MBD6: variants seen among roughly 807,000 people sequenced by gnomAD.
MBD6 encodes the protein methyl-CpG-binding domain protein 6.
MBD6 carries 22 observed loss-of-function variants against 66.8 expected under a neutral mutation model. The ratio of observed to expected loss-of-function variants is 0.33; its 90% CI spans 0.24 to 0.47. MBD6 has a LOEUF of 0.47. Among genes scored for constraint, MBD6 ranks in the 20% least tolerant of loss-of-function variants. The probability of loss-of-function intolerance (pLI) is 1.00; values close to 1 mark genes in which losing one functional copy is unlikely to be tolerated. For synonymous variants in MBD6, 540 were observed against 534.6 expected, an observed-to-expected ratio of 1.01 and a Z score of -0.14; for missense variants, 1,322 against 1,286.9, an observed-to-expected ratio of 1.03 and a Z score of -0.42.
At chr12:57,530,534 G>A (rs1879569332), downstream of MBD6, 3 of 621,374 alleles carry the variant, frequency 4.8e-6, no homozygotes, top group East Asian at 2.8e-5. Flanking sequence ...TTCATCAGGG[G>A]AGGGGTATAA....
chr12:57,529,390 T>A lies in MBD6; in HGVS notation c.*156T>A. The A allele has an allele frequency of 1.7e-6, 1 of 603,180 alleles. No individual in the cohort carries two copies. The highest frequency in any genetic ancestry group is 2.8e-6 in the Non-Finnish European group (1 of 351,264). 37.4% of individuals were successfully genotyped at this position (603,180 alleles called of 1,614,324 possible). ...AACTCCTTCCCCTACAATCCCATCCTGAGCCATTGCAGGGGGCAGGGAAGT... is the reference window on the plus strand; with the variant it reads ...AACTCCTTCCCCTACAATCCCATCCAGAGCCATTGCAGGGGGCAGGGAAGT... On this transcript the variant is annotated 3_prime_UTR_variant, in exon 13 of 13. Transcript: ENST00000355673.
rs1355670093 is a variant in MBD6, at chr12:57,527,313, C to T, written c.2082+86C>T. Reference sequence around the variant, plus strand: ...GAATCAAAAGCTTTCAGTTTCATTCCTGAGCTCTTCCTTGGGGCCTTTGGG... The same window carrying T: ...GAATCAAAAGCTTTCAGTTTCATTCTTGAGCTCTTCCTTGGGGCCTTTGGG... On this transcript the variant is annotated intron_variant, in intron 7 of 12. Transcript: ENST00000355673. The T allele has an allele frequency of 7.1e-6, 8 of 1,128,862 alleles. No individual in the cohort carries two copies. The East Asian group carries it at 1.5e-4, about 21-fold the overall frequency. 69.9% of individuals were successfully genotyped at this position (1,128,862 alleles called of 1,614,324 possible). A position where few individuals can be genotyped will look rare whatever the true frequency, so the allele number is the denominator to read the frequency against.
At position 57,526,220 on chromosome 12, in the gene MBD6, C is replaced by G; in HGVS notation, c.1252C>G (p.Leu418Val). The G allele has an allele frequency of 6.2e-7, 1 of 1,614,120 alleles. No homozygotes were observed. The highest frequency in any genetic ancestry group is 8.5e-7 in the Non-Finnish European group (1 of 1,180,006). Reference sequence around the variant, plus strand: ...CCCTTCTGTGCTGTCCCTGCTGGGACTCCCCACCCCTGGCCCTTCCCACTC... The same window carrying G: ...CCCTTCTGTGCTGTCCCTGCTGGGAGTCCCCACCCCTGGCCCTTCCCACTC... ...ILPSVLSLLG[L>V]PTPGPSHSDG... Residue 418 changes from leucine (L) to valine (V), a missense_variant, in exon 6 of 13, where the codon CTC (leucine) becomes GTC (valine). Leu to Val is a conservative substitution (Grantham distance 32). Transcript: ENST00000355673.
chr12:57,524,403 G>A lies in MBD6; in HGVS notation c.100G>A (p.Val34Met). The A allele has an allele frequency of 6.3e-7, 1 of 1,590,184 alleles. No homozygotes were observed. Among genetic ancestry groups the A allele is most frequent in the Non-Finnish European group, 8.6e-7 (1 of 1,168,718 alleles). Reference sequence around the variant, plus strand: ...GCAGCGCTGTGTGCGAGAGGGTGCTGTGCTCTACATCAGGTACGGATCTTC... The same window carrying A: ...GCAGCGCTGTGTGCGAGAGGGTGCTATGCTCTACATCAGGTACGGATCTTC... ...GWQRCVREGA[V>M]LYISPSGTEL... The change falls in exon 3 of 13, where the codon GTG becomes ATG. Residue 34 changes from valine to methionine, a missense_variant. By Grantham distance (21) the Val-to-Met change is conservative (BLOSUM62 1). Transcript: ENST00000355673.
upstream of MBD6, among the ~76,000 whole-genome samples, chr12:57,522,560 G>A (rs1417800102): frequency 6.6e-6 from 1 of 151,674 alleles, no homozygotes; most frequent in Admixed American, 6.5e-5. Context: ...TCCGCGGAGG[G>A]CGGGGGGGCC....
intron 1 of MBD6, 107 bp from the exon 2 acceptor site, chr12:57,523,922 C>T (rs73346006): frequency 0.084 from 13,231 of 158,408 alleles, 1,859 homozygotes; most frequent in African/African-American, 0.3. Context: ...TTTATAGGTG[C>T]TTGCCTCACA....
In MBD6 at chr12:57,528,253, A is replaced by C. The variant is rs752982615; in HGVS notation, c.2513A>C (p.His838Pro). 22 of 1,605,736 alleles carry C rather than the reference A, an allele frequency of 1.4e-5. No individual in the cohort carries two copies. The highest frequency in any genetic ancestry group is 1.7e-5 in the Non-Finnish European group (20 of 1,176,218). Residue 838 changes from histidine (H) to proline (P), a missense_variant, in exon 10 of 13, where the codon CAT becomes CCT. Coordinates refer to ENST00000355673, the MANE Select transcript of MBD6 (RefSeq NM_052897.4). ...RPPLSALAPPHGSPDPPVPEL... is the reference protein window; with the variant it reads ...RPPLSALAPPPGSPDPPVPEL... ...CCCCTCAGTGCCTTAGCCCCACCCC[A>C]TGGTTCTCCCGACCCCCCAGTCCCT...
rs374959813 is a variant in MBD6, at chr12:57,525,935, C to T, written c.967C>T (p.Leu323=). 3.1e-6 allele frequency: 5 copies of T among 1,613,474 alleles called. No individual in the cohort carries two copies. In the South Asian group the frequency reaches 3.3e-5, roughly 11 times the overall value. ...GGCACCCCCCTTCCTTGCTAGCAGCCTACTCTCTGCAGCGGCCAAGGCACA... is the reference window on the plus strand; with the variant it reads ...GGCACCCCCCTTCCTTGCTAGCAGCTTACTCTCTGCAGCGGCCAAGGCACA... ...PGAPPFLASS[L]LSAAAKAQHP... is the part of the protein sequence containing the mutation. Residue 323 remains leucine (L), a synonymous_variant, in exon 6 of 13, where the codon CTA becomes TTA. Coordinates refer to ENST00000355673, the MANE Select transcript of MBD6 (RefSeq NM_052897.4).
Position 57,525,075 on chromosome 12 carries a change from G to C in MBD6, c.339G>C (p.Leu113=). ...HRRKAVAMAT[L]YRSMETTCSH... ...GGAAAGCTGTTGCTATGGCAACTCT[G>C]TACCGCAGCATGGAGACCACCTGCT... Residue 113 remains leucine (L), a synonymous_variant, in exon 5 of 13, where the codon CTG becomes CTC. Coordinates refer to ENST00000355673, the MANE Select transcript of MBD6 (RefSeq NM_052897.4). 5 of 1,612,644 alleles carry C rather than the reference G, an allele frequency of 3.1e-6. No homozygotes were observed. Among genetic ancestry groups the C allele is most frequent in the Non-Finnish European group, 4.2e-6 (5 of 1,179,664 alleles).
At chr12:57,530,625 T>C, downstream of MBD6, 2 of 1,379,794 alleles carry the variant, frequency 1.4e-6, no homozygotes, top group Non-Finnish European at 2.0e-6. Context: ...GGAAACCCTA[T>C]GTAAGCTGTT....
At position 57,529,418 on chromosome 12, in the gene MBD6, A is replaced by ACCCCCCCCCCCCCCCCCCCCCCCCC. The variant is rs368133035; in HGVS notation, c.*193_*194insCCCCCCCCCCCCCCCCCCCCCCCCC. 12 of 333,338 alleles carry ACCCCCCCCCCCCCCCCCCCCCCCCC rather than the reference A, an allele frequency of 3.6e-5. No individual in the cohort carries two copies. Among genetic ancestry groups the ACCCCCCCCCCCCCCCCCCCCCCCCC allele is most frequent in the African/African-American group, 1.9e-4 (6 of 32,340 alleles). The allele number at this position is 333,338 out of a possible 1,614,324, so 20.6% of individuals were successfully genotyped here. A position where few individuals can be genotyped will look rare whatever the true frequency, so the allele number is the denominator to read the frequency against. On this transcript the variant is annotated 3_prime_UTR_variant, in exon 13 of 13. Transcript: ENST00000355673. ...GCCATTGCAGGGGGCAGGGAAGTTC[A>ACCCCCCCCCCCCCCCCCCCCCCCCC]CCCCCCCCCACCACCCCCCCGCCCC... is the stretch of plus-strand genomic sequence containing the variant.
chr12:57,528,825 T>C lies in MBD6; in HGVS notation c.2873+107T>C. 1.9e-6 allele frequency: 3 copies of C among 1,596,026 alleles called. No homozygotes were observed. The South Asian group carries it at 3.3e-5, about 18-fold the overall frequency. ...GGTTTTCAAAAGGGCAGATTCTTAT[T>C]TGAATATGAATAAGGATATTATGCC... On this transcript the variant is annotated intron_variant, in intron 11 of 12. Coordinates refer to ENST00000355673, the MANE Select transcript of MBD6 (RefSeq NM_052897.4).
At chr12:57,522,749 T>TGCGGCAGCGACGGCGGCG (rs1213077256), upstream of MBD6, 1 of 66,026 alleles carries the variant, frequency 1.5e-5, no homozygotes, top group Non-Finnish European at 3.1e-5. Context: ...CGGCGGCGGC[T>TGCGGCAGCGACGGCGGCG]GCGGCAGCGA....
downstream of MBD6, among the ~76,000 whole-genome samples, chr12:57,531,456 G>A (rs192493482): frequency 1.3e-5 from 2 of 152,320 alleles, no homozygotes; most frequent in South Asian, 2.1e-4. Flanking sequence ...GGTGGAGGCT[G>A]CAGTGAGCTG....
In MBD6 at chr12:57,524,968, C is replaced by T; in HGVS notation, c.232C>T (p.Pro78Ser). ...LNVPKVFNFD[P>S]LAPVTPGGAG... ...CACCTTACAGGTTTTCAACTTTGACCCTTTGGCCCCGGTGACCCCGGGTGG... is the reference window on the plus strand; with the variant it reads ...CACCTTACAGGTTTTCAACTTTGACTCTTTGGCCCCGGTGACCCCGGGTGG... Residue 78 changes from proline (P) to serine (S), a missense_variant, in exon 5 of 13, where the codon CCT (proline) becomes TCT (serine). Pro to Ser is a moderately conservative substitution (Grantham distance 74). Coordinates refer to ENST00000355673, the MANE Select transcript of MBD6 (RefSeq NM_052897.4). 6.2e-7 allele frequency: 1 copy of T among 1,601,920 alleles called. No homozygotes were observed. Among genetic ancestry groups the T allele is most frequent in the Non-Finnish European group, 8.5e-7 (1 of 1,172,434 alleles).
chr12:57,530,608 G>T, downstream of MBD6: 1 of 1,259,562 alleles, frequency 7.9e-7, no homozygotes, highest in Non-Finnish European at 1.1e-6. Flanking sequence ...TAGAGTTATA[G>T]TAAAGGGGAA....
rs546932861 is a variant in MBD6, at chr12:57,526,145, G to C, written c.1177G>C (p.Ala393Pro). ...TAGACGGAGCCGTCCTCGGGCCCCT[G>C]CTCCTGTCCCCCAACCCTTTTCTCT... is the stretch of plus-strand genomic sequence containing the variant. ...TPRRSRPRAP[A>P]PVPQPFSLPE... The change falls in exon 6 of 13, where the codon GCT becomes CCT. Residue 393 changes from alanine (A) to proline (P), a missense_variant. Coordinates refer to ENST00000355673, the MANE Select transcript of MBD6 (RefSeq NM_052897.4). 1.2e-6 allele frequency: 2 copies of C among 1,614,104 alleles called. No homozygotes were observed. The highest frequency in any genetic ancestry group is 2.2e-5 in the South Asian group (2 of 91,080).
In MBD6 at chr12:57,529,234, G is replaced by A. The variant is rs769725251; in HGVS notation, c.3012G>A (p.Ter1004=). Residue 1004 remains the stop codon, a stop_retained_variant, in exon 13 of 13, where the codon TAG becomes TAA. Coordinates refer to ENST00000355673, the MANE Select transcript of MBD6 (RefSeq NM_052897.4). ...AKNKRRKLAP[*] ...ACAAGAGGAGGAAACTGGCCCCATA[G>A]CAGCCATACCTGGAGCTGGATCTGA... 3.1e-6 allele frequency: 5 copies of A among 1,612,410 alleles called. No individual in the cohort carries two copies. Among genetic ancestry groups the A allele is most frequent in the Non-Finnish European group, 4.2e-6 (5 of 1,179,774 alleles).
downstream of MBD6, among the ~76,000 whole-genome samples, chr12:57,530,980 G>A (rs73346013): frequency 6.6e-3 from 1,004 of 152,266 alleles, 9 homozygotes; most frequent in African/African-American, 0.023. Context: ...GGTAGGACTC[G>A]AGAATTCCCA....
Sources: allele counts gnomAD v4.1 joint callset (sites outside exome capture counted in the v4.1 genomes callset), GRCh38; gene constraint gnomAD v4.1.1; transcripts MANE v1.5; gene names NCBI Gene and HGNC (gene_info 2026-07-23, HGNC 2026-07-21).